PLCE1: variants seen among roughly 807,000 people sequenced by gnomAD.
The protein encoded by PLCE1 is 1-phosphatidylinositol 4,5-bisphosphate phosphodiesterase epsilon-1.
A neutral mutation model predicts 242.8 loss-of-function variants in PLCE1; 119 were observed. The ratio of observed to expected loss-of-function variants is 0.49; its 90% CI spans 0.42 to 0.57. The LOEUF is 0.57. Ranked by LOEUF, PLCE1 falls within the 20% of genes least tolerant of loss-of-function variation. The pLI is 0.00. For synonymous variants in PLCE1, 945 were observed against 1,017.4 expected (o/e 0.93, Z 1.35); for missense variants, 2,441 against 2,788.8 (o/e 0.88, Z 2.81).
At chr10:94,154,170 A>G (rs1378114483) in intron 3 of PLCE1, among the ~76,000 whole-genome samples, 1 of 152,208 alleles carries the variant, frequency 6.6e-6, no homozygotes, top group Non-Finnish European at 1.5e-5. Context: ...AAACCCTAAC[A>G]TATATGGTCA....
intron 7 of PLCE1, among the ~76,000 whole-genome samples, chr10:94,245,114 G>T (rs183825482): frequency 6.6e-6 from 1 of 152,154 alleles, no homozygotes; most frequent in African/African-American, 2.4e-5. Flanking sequence ...TTGTGTTTAT[G>T]ATTTAATTGA....
chr10:94,043,284 C>T (rs529178702), intron 2 of PLCE1, among the ~76,000 whole-genome samples: 7 of 152,304 alleles, frequency 4.6e-5, no homozygotes, highest in Non-Finnish European at 8.8e-5. Context: ...CAAGCGCAGT[C>T]GAACCCGCTA....
intron 4 of PLCE1, among the ~76,000 whole-genome samples, chr10:94,218,843 A>T (rs1306903696): frequency 1.3e-5 from 2 of 149,436 alleles, no homozygotes; most frequent in Non-Finnish European, 3.0e-5. Context: ...TAATTATCCA[A>T]TTATTATATC....
chr10:94,020,528 A>G (rs753079417), intron 1 of PLCE1, among the ~76,000 whole-genome samples: 2 of 152,150 alleles, frequency 1.3e-5, no homozygotes, highest in African/African-American at 2.4e-5. Context: ...TATTTAGCCT[A>G]GGAAGTTTCT....
intron 3 of PLCE1, among the ~76,000 whole-genome samples, chr10:94,158,085 AATTT>A (rs1316759694): frequency 6.6e-6 from 1 of 152,186 alleles, no homozygotes; most frequent in Non-Finnish European, 1.5e-5. Context: ...ATAATATTAT[AATTT>A]ATTTATGATG....
chr10:94,327,609 C>T (rs963939675), intron 32 of PLCE1, among the ~76,000 whole-genome samples: 1 of 152,044 alleles, frequency 6.6e-6, no homozygotes, highest in East Asian at 1.9e-4. Context: ...TAAAATGATC[C>T]CTTTTAAAGT....
At chr10:94,043,735 T>A (rs755143885) in intron 2 of PLCE1, among the ~76,000 whole-genome samples, 1 of 152,208 alleles carries the variant, frequency 6.6e-6, no homozygotes, top group African/African-American at 2.4e-5. Context: ...AGAAAATGGC[T>A]TCAGACCCTG....
intron 2 of PLCE1, among the ~76,000 whole-genome samples, chr10:94,079,105 C>T (rs116146815): frequency 0.022 from 3,330 of 152,046 alleles, 115 homozygotes; most frequent in African/African-American, 0.065. Flanking sequence ...TAATTGGTAG[C>T]CGTTACAAAA....
chr10:94,164,410 C>G (rs1030486409), intron 3 of PLCE1, among the ~76,000 whole-genome samples: 5 of 152,120 alleles, frequency 3.3e-5, no homozygotes, highest in Non-Finnish European at 5.9e-5. Flanking sequence ...TTTGATCTTC[C>G]ATCACTGATT....
chr10:94,316,686 T>A lies in PLCE1; in HGVS notation c.6272T>A (p.Met2091Lys). The A allele has an allele frequency of 6.2e-7, 1 of 1,614,034 alleles. No homozygotes were observed. The highest frequency in any genetic ancestry group is 1.7e-5 in the Admixed American group (1 of 60,016). Residue 2091 changes from methionine (M) to lysine (K), a missense_variant, in exon 29 of 33, where the codon ATG becomes AAG. Met to Lys is a moderately conservative substitution (Grantham distance 95, BLOSUM62 -1). Coordinates refer to ENST00000371380, the MANE Select transcript of PLCE1 (RefSeq NM_016341.4). ...QRAIGPEEEI[M>K]QILSSWFPEE... ...GCCATTGGTCCAGAAGAGGAGATCA[T>A]GCAAATTTTAAGCAGCTGGTTTCCA...
At chr10:94,259,256 T>A in intron 13 of PLCE1, 106 bp downstream of exon 13, 2 of 1,119,578 alleles carry the variant, frequency 1.8e-6, no homozygotes, top group Non-Finnish European at 2.7e-6. Flanking sequence ...AGTGTGCTAT[T>A]ACTGCTGTGT....
At chr10:94,099,522 T>C (rs1308389975) in intron 2 of PLCE1, 2 of 152,220 alleles carry the variant, frequency 1.3e-5, no homozygotes, top group African/African-American at 4.8e-5. Context: ...ATATTATTTC[T>C]CTCGAACACA....
intron 2 of PLCE1, among the ~76,000 whole-genome samples, chr10:94,072,340 G>A (rs752078374): frequency 6.6e-6 from 1 of 151,724 alleles, no homozygotes; most frequent in Non-Finnish European, 1.5e-5. Context: ...GCAGTGGGGC[G>A]ATCTCAGCTC....
intron 4 of PLCE1, among the ~76,000 whole-genome samples, chr10:94,190,412 C>T (rs1000702541): frequency 3.9e-5 from 6 of 152,082 alleles, no homozygotes; most frequent in African/African-American, 1.5e-4. Context: ...AGTTTAAGAC[C>T]AGCCTGGGAA....
In PLCE1 at chr10:94,306,275, A is replaced by G. The variant is rs2053201903; in HGVS notation, c.5623-152A>G. ...ATAAGCCACCGCGCCCAGCCCTACA[A>G]TCACTTACTTTTTAAACAGTTTTAT... On this transcript the variant is annotated intron_variant, in intron 25 of 32. Coordinates refer to ENST00000371380, the MANE Select transcript of PLCE1 (RefSeq NM_016341.4). The surrounding 1 kb of genome is among the most constrained non-coding windows in gnomAD (Gnocchi z 5.7). 1 of 1,401,708 alleles carries G rather than the reference A, an allele frequency of 7.1e-7. No homozygotes were observed. The highest frequency in any genetic ancestry group is 1.8e-5 in the Admixed American group (1 of 56,376). 86.8% of individuals were successfully genotyped at this position (1,401,708 alleles called of 1,614,324 possible).
chr10:94,308,828 TG>T (rs2053289779), intron 27 of PLCE1, 129 bp downstream of exon 27: 2 of 766,768 alleles, frequency 2.6e-6, no homozygotes, highest in South Asian at 2.7e-5. Context: ...ATAACAATAA[TG>T]GCTGACACTT....
chr10:94,085,826 G>A (rs749514508), intron 2 of PLCE1, among the ~76,000 whole-genome samples: 1 of 152,200 alleles, frequency 6.6e-6, no homozygotes, highest in Non-Finnish European at 1.5e-5. Context: ...GCCTGGCCTG[G>A]AAGACAGACT....
At chr10:94,184,310 A>C (rs1209084258) in intron 4 of PLCE1, among the ~76,000 whole-genome samples, 2 of 152,086 alleles carry the variant, frequency 1.3e-5, no homozygotes, top group Non-Finnish European at 2.9e-5. Context: ...GCTCCTGCCT[A>C]CTTCTCCAAC....
intron 3 of PLCE1, among the ~76,000 whole-genome samples, chr10:94,141,342 A>G (rs754324489): frequency 6.6e-6 from 1 of 152,212 alleles, no homozygotes; most frequent in Non-Finnish European, 1.5e-5. Context: ...GAGCTGGGAG[A>G]CTGATTCCAT....
Sources: allele counts gnomAD v4.1 joint callset (sites outside exome capture counted in the v4.1 genomes callset), GRCh38; gene constraint gnomAD v4.1.1; non-coding constraint Gnocchi (gnomAD v3.1); transcripts MANE v1.5; gene names NCBI Gene and HGNC (gene_info 2026-07-23, HGNC 2026-07-21).